LRRC7: variants seen among roughly 807,000 people sequenced by gnomAD.
LRRC7 encodes leucine rich repeat containing 7.
In LRRC7, 23 loss-of-function variants were observed where a neutral mutation model predicts 175.7. The observed-to-expected ratio is 0.13, with a 90% CI of 0.09 to 0.19. The LOEUF (loss-of-function observed/expected upper bound fraction) is 0.19. LRRC7 is among the 10% of genes least tolerant of loss of function. The pLI is 1.00. For missense variants in LRRC7, 1,354 were observed against 1,904.7 expected, an observed-to-expected ratio of 0.71 and a Z score of 5.38; for synonymous variants, 685 against 680.9, an observed-to-expected ratio of 1.01 and a Z score of -0.09.
intron 8 of LRRC7, among the ~76,000 whole-genome samples, chr1:69,969,872 T>G (rs1304279964): frequency 6.6e-6 from 1 of 152,130 alleles, no homozygotes; most frequent in Non-Finnish European, 1.5e-5. Flanking sequence ...ATAGACCACA[T>G]GATAGGCCAC....
At chr1:69,612,258 T>C (rs1371398689) in intron 1 of LRRC7, among the ~76,000 whole-genome samples, 1 of 152,122 alleles carries the variant, frequency 6.6e-6, no homozygotes, top group Non-Finnish European at 1.5e-5. Context: ...TTAATGCTAC[T>C]ATATCAAAAC....
chr1:69,754,033 A>T (rs1389125495), intron 2 of LRRC7, among the ~76,000 whole-genome samples: 1 of 152,066 alleles, frequency 6.6e-6, no homozygotes, highest in Non-Finnish European at 1.5e-5. Context: ...AAGTGTAAAG[A>T]GCACAGAAAG....
intron 4 of LRRC7, among the ~76,000 whole-genome samples, chr1:69,800,137 A>G (rs1237212581): frequency 1.3e-5 from 2 of 152,000 alleles, no homozygotes; most frequent in African/African-American, 4.8e-5. Flanking sequence ...TGTTTTTGTA[A>G]CTATAGCCTT....
chr1:70,032,369 C>T (rs562514644), intron 18 of LRRC7, among the ~76,000 whole-genome samples: 1 of 151,624 alleles, frequency 6.6e-6, no homozygotes, highest in Non-Finnish European at 1.5e-5. Context: ...TCTCTAAAAC[C>T]TTTCTGATCC....
At chr1:69,904,461 A>G (rs951069019) in intron 7 of LRRC7, among the ~76,000 whole-genome samples, 1 of 152,170 alleles carries the variant, frequency 6.6e-6, no homozygotes, top group Non-Finnish European at 1.5e-5. Context: ...TTGATGAAAA[A>G]ACCATGCAAA....
intron 23 of LRRC7, among the ~76,000 whole-genome samples, chr1:70,068,185 G>C (rs1289328467): frequency 6.6e-6 from 1 of 152,080 alleles, no homozygotes; most frequent in Non-Finnish European, 1.5e-5. Flanking sequence ...GTCTGCTCCT[G>C]ATCTTAGTGG....
intron 24 of LRRC7, among the ~76,000 whole-genome samples, chr1:70,078,822 A>G (rs933844533): frequency 1.8e-5 from 2 of 111,996 alleles, no homozygotes; most frequent in East Asian, 2.9e-4. Context: ...ACACACACAC[A>G]CGCACACACA....
chr1:69,772,998 A>G (rs964542272), intron 3 of LRRC7, among the ~76,000 whole-genome samples: 2 of 152,136 alleles, frequency 1.3e-5, no homozygotes, highest in Admixed American at 1.3e-4. Context: ...TACAGTGAAA[A>G]CCTGATTGAA....
intron 1 of LRRC7, among the ~76,000 whole-genome samples, chr1:69,623,435 G>GA (rs138471943): frequency 0.068 from 9,670 of 143,190 alleles, 387 homozygotes; most frequent in East Asian, 0.14. Flanking sequence ...CTGCTATGAG[G>GA]AAAAAAAAAA....
chr1:69,682,828 C>T (rs1253294602), intron 2 of LRRC7, among the ~76,000 whole-genome samples: 2 of 151,970 alleles, frequency 1.3e-5, no homozygotes, highest in African/African-American at 2.4e-5. Flanking sequence ...TTCTATAGTC[C>T]CTCTGGTTAC....
chr1:69,706,630 G>C (rs1341409211), intron 2 of LRRC7, among the ~76,000 whole-genome samples: 5 of 152,066 alleles, frequency 3.3e-5, no homozygotes, highest in Non-Finnish European at 7.4e-5. Flanking sequence ...GATTATAGAA[G>C]GATTTGAAAG....
chr1:69,637,169 G>A (rs1260611729), intron 1 of LRRC7, among the ~76,000 whole-genome samples: 1 of 151,558 alleles, frequency 6.6e-6, no homozygotes, highest in African/African-American at 2.4e-5. Context: ...TTCAGTGCGG[G>A]GATTTAGGGT....
chr1:70,106,919 T>C (rs1665185678), intron 25 of LRRC7, among the ~76,000 whole-genome samples: 1 of 152,230 alleles, frequency 6.6e-6, no homozygotes. Context: ...GTGCAACATA[T>C]TTTTACAATC....
intron 7 of LRRC7, among the ~76,000 whole-genome samples, chr1:69,893,597 G>A (rs1422774520): frequency 6.6e-6 from 1 of 151,992 alleles, no homozygotes; most frequent in Admixed American, 6.6e-5. Context: ...ATACAAACTG[G>A]TAAAACTTTG....
intron 26 of LRRC7, among the ~76,000 whole-genome samples, chr1:70,117,028 A>G (rs1316876613): frequency 1.3e-5 from 2 of 152,212 alleles, no homozygotes. Flanking sequence ...TTCAAAGTGC[A>G]AGATATCAAT....
intron 7 of LRRC7, among the ~76,000 whole-genome samples, chr1:69,850,824 G>A (rs1411392530): frequency 6.6e-6 from 1 of 152,070 alleles, no homozygotes; most frequent in Non-Finnish European, 1.5e-5. Context: ...TCAGCTGTTG[G>A]TGGCTAGATA....
intron 22 of LRRC7, among the ~76,000 whole-genome samples, chr1:70,046,670 A>G (rs1037197995): frequency 3.3e-5 from 5 of 152,040 alleles, no homozygotes; most frequent in African/African-American, 4.8e-5. Flanking sequence ...CCACCCCATC[A>G]CCAATGCAGG....
intron 1 of LRRC7, among the ~76,000 whole-genome samples, chr1:69,615,125 T>G (rs1257637405): frequency 6.6e-6 from 1 of 152,084 alleles, no homozygotes; most frequent in Non-Finnish European, 1.5e-5. Flanking sequence ...CAATAATCCC[T>G]TTTATGAAGA....
At position 69,817,517 on chromosome 1, in the gene LRRC7, G is replaced by A. The variant is rs539233752; in HGVS notation, c.422-8231G>A. ...TCTGTGTTTGTGCCAATATCAGCCC[G>A]TTTTGATTATAATAGCTTAGTAATG... On this transcript the variant is annotated intron_variant, in intron 4 of 26. Transcript: ENST00000651989. Among the ~76,000 whole-genome samples the A allele has an allele frequency of 7.9e-5, 12 of 152,052 alleles. No individual in the cohort carries two copies. In the East Asian group the frequency reaches 9.6e-4, roughly 12 times the overall value.
Sources: gnomAD v4.1 joint callset for allele counts (sites outside exome capture counted in the v4.1 genomes callset) on GRCh38, gnomAD v4.1.1 for gene constraint, MANE v1.5 for transcripts, NCBI Gene and HGNC (gene_info 2026-07-23, HGNC 2026-07-21) for gene names.